The following ACIN1 variants were observed in gnomAD, a reference collection of about 807,000 sequenced individuals.
The protein encoded by ACIN1 is apoptotic chromatin condensation inducer in the nucleus.
ACIN1 carries 16 observed loss-of-function variants against 146.6 expected under a neutral mutation model. That is an observed-to-expected ratio of 0.11 (90% CI 0.07 to 0.17). The LOEUF (loss-of-function observed/expected upper bound fraction) is 0.17. Among genes scored for constraint, ACIN1 ranks in the 10% least tolerant of loss-of-function variants. The probability of loss-of-function intolerance (pLI) is 1.00; values close to 1 mark genes in which losing one functional copy is unlikely to be tolerated. For missense variants in ACIN1, 1,357 were observed against 1,609.3 expected (o/e 0.84, Z 2.68); for synonymous variants, 569 against 582.7 (o/e 0.98, Z 0.34).
chr14:23,064,990 C>G (rs2047407222), intron 10 of ACIN1, among the ~76,000 whole-genome samples: 1 of 151,798 alleles, frequency 6.6e-6, no homozygotes, highest in Non-Finnish European at 1.5e-5. Flanking sequence ...GGAGGGGTAG[C>G]TAGTTTGATG....
In ACIN1 at chr14:23,067,261, AAAG is replaced by A. The variant is rs2047489106; in HGVS notation, c.2266-1256_2266-1254del. 2 of 965,168 alleles carry A rather than the reference AAAG, an allele frequency of 2.1e-6. No individual in the cohort carries two copies. The highest frequency in any genetic ancestry group is 1.2e-6 in the Non-Finnish European group (1 of 811,318). 59.8% of individuals were successfully genotyped at this position (965,168 alleles called of 1,614,324 possible). On this transcript the variant is annotated intron_variant, in intron 9 of 18. Coordinates refer to ENST00000605057, the MANE Select transcript of ACIN1 (RefSeq NM_001386863.1). This position sits in a 1 kb window ranked among gnomAD's most constrained non-coding sequence, Gnocchi z 4.6. ...AATATTAAAAAAAGAAGAAGAAAAT[AAAG>A]AAGAAAATAAACTAGGAATATGACA...
rs1594796501 is a variant in ACIN1, at chr14:23,095,102, A to C, written c.11T>G (p.Leu4Arg). ...CTTCCCGTCCAGAGTCACCTCCTCC[A>C]GCTCCGCCATCTTGCGTGAGGTACT... is the stretch of plus-strand genomic sequence containing the variant. MAELEEVTLDGKPL... is the reference protein window; with the variant it reads MAEREEVTLDGKPL... Residue 4 changes from leucine (L) to arginine (R), a missense_variant, in exon 1 of 19, where the codon CTG becomes CGG. Physicochemically the swap from Leu to Arg is moderately radical, Grantham distance 102. This residue lies in a region of ACIN1 where 22 missense variants were observed against 19.1 expected (regional missense o/e 1.15). Transcript: ENST00000605057. 1 of 1,614,172 alleles carries C rather than the reference A, an allele frequency of 6.2e-7. No homozygotes were observed. Among genetic ancestry groups the C allele is most frequent in the Non-Finnish European group, 8.5e-7 (1 of 1,180,024 alleles).
chr14:23,061,322 T>C lies in ACIN1; in HGVS notation c.3400A>G (p.Lys1134Glu), dbSNP rs143988639. 1.2e-6 allele frequency: 2 copies of C among 1,614,090 alleles called. No homozygotes were observed. Among genetic ancestry groups the C allele is most frequent in the East Asian group, 2.2e-5 (1 of 44,890 alleles). The change falls in exon 17 of 19, where the codon AAA becomes GAA. Residue 1134 changes from lysine (K) to glutamate (E), a missense_variant. This residue lies in a region of ACIN1 where 509 missense variants were observed against 719.6 expected (regional missense o/e 0.71). Transcript: ENST00000605057. ...DRRRKERAKS[K>E]EKKSEKKEKA... The stretch of plus-strand genomic sequence containing the variant: ...CCTTTCTTCTCACTCTTCTTTTCTT[T>C]AGACTTCGCACGTTCCTTGCGGCGG...
In ACIN1 at chr14:23,080,663, A is replaced by ATCT; in HGVS notation, c.669_671dup (p.Glu223dup). 1.2e-6 allele frequency: 2 copies of ATCT among 1,611,868 alleles called. No homozygotes were observed. Among genetic ancestry groups the ATCT allele is most frequent in the Non-Finnish European group, 1.7e-6 (2 of 1,179,584 alleles). ...CATCATCACCTTCCTCTTCTTCATC[A>ATCT]TCTTCTTCCTCCTCCTCCTCCTCCT... On this transcript the variant is annotated inframe_insertion, in exon 6 of 19. Transcript: ENST00000605057.
chr14:23,069,059 C>CT (rs1330228946), intron 9 of ACIN1: 1 of 988,306 alleles, frequency 1.0e-6, no homozygotes, highest in African/African-American at 1.7e-5. Context: ...CTCAGCATGG[C>CT]TGGTCTGGTG....
chr14:23,094,714 G>A (rs953064162), intron 1 of ACIN1: 3 of 656,692 alleles, frequency 4.6e-6, no homozygotes, highest in East Asian at 3.1e-5. Flanking sequence ...GGTGGGGGAA[G>A]GAGGAAGGAG....
chr14:23,094,227 G>C (rs2048307012), intron 1 of ACIN1, among the ~76,000 whole-genome samples: 1 of 152,090 alleles, frequency 6.6e-6, no homozygotes, highest in Non-Finnish European at 1.5e-5. Context: ...CACGTATCCT[G>C]TTGAACTCTA....
intron 8 of ACIN1, among the ~76,000 whole-genome samples, chr14:23,075,323 C>CTTTTTTT (rs11423392): frequency 1.5e-5 from 2 of 133,340 alleles, no homozygotes; most frequent in Non-Finnish European, 3.2e-5. Flanking sequence ...CTTTCTTCCC[C>CTTTTTTT]TTTTTTTTTT....
intron 1 of ACIN1, among the ~76,000 whole-genome samples, chr14:23,094,104 C>CCACACAAACA (rs1555375768): frequency 1.3e-5 from 2 of 150,760 alleles, no homozygotes; most frequent in Non-Finnish European, 1.5e-5. Flanking sequence ...CCTAGTCTAT[C>CCACACAAACA]CACACAAACA....
chr14:23,071,287 C>A (rs1428476100), intron 8 of ACIN1: 3 of 1,498,648 alleles, frequency 2.0e-6, no homozygotes, highest in Non-Finnish European at 2.7e-6. Context: ...CCACCTCCTC[C>A]CCAGCCACCC....
At chr14:23,084,626 A>C (rs574464870) in intron 4 of ACIN1, among the ~76,000 whole-genome samples, 6 of 151,922 alleles carry the variant, frequency 3.9e-5, no homozygotes, top group East Asian at 1.9e-4. Flanking sequence ...GAAAAAAAAA[A>C]AAAAAAACCC....
At position 23,061,628 on chromosome 14, in the gene ACIN1, G is replaced by C; in HGVS notation, c.3100-6C>G. On this transcript the variant is annotated splice_polypyrimidine_tract_variant and splice_region_variant and intron_variant, in intron 16 of 18. Coordinates refer to ENST00000605057, the MANE Select transcript of ACIN1 (RefSeq NM_001386863.1). ...AGGCCTCGGTGATAATCCAGCTGTG[G>C]GGAGAGGAGGGACAAGGACAGTTAG... is the stretch of plus-strand genomic sequence containing the variant. 2 of 1,520,854 alleles carry C rather than the reference G, an allele frequency of 1.3e-6. No individual in the cohort carries two copies. Among genetic ancestry groups the C allele is most frequent in the South Asian group, 2.6e-5 (2 of 78,268 alleles). 94.2% of individuals were successfully genotyped at this position (1,520,854 alleles called of 1,614,324 possible).
intron 13 of ACIN1, 93 bp downstream of exon 13, chr14:23,063,343 G>A (rs2047347953): frequency 6.8e-7 from 1 of 1,468,872 alleles, no homozygotes; most frequent in Non-Finnish European, 9.2e-7. Flanking sequence ...TATAATGAAA[G>A]GCAGGAAACA....
intron 9 of ACIN1, chr14:23,069,185 A>G (rs2047550762): frequency 2.7e-6 from 3 of 1,105,674 alleles, no homozygotes; most frequent in Non-Finnish European, 3.3e-6. Context: ...AAAGCTGAAC[A>G]TAAATCTTAG....
chr14:23,073,095 G>A (rs2047706113), intron 8 of ACIN1, among the ~76,000 whole-genome samples: 1 of 152,252 alleles, frequency 6.6e-6, no homozygotes, highest in Non-Finnish European at 1.5e-5. Flanking sequence ...CTGGGGCTCT[G>A]AGTTTCCTCA....
At position 23,067,179 on chromosome 14, in the gene ACIN1, CAAAT is replaced by C. The variant is rs915465529; in HGVS notation, c.2266-1175_2266-1172del. On this transcript the variant is annotated intron_variant, in intron 9 of 18. Transcript: ENST00000605057. The surrounding 1 kb of genome is among the most constrained non-coding windows in gnomAD (Gnocchi z 4.6). ...TAATTAAAACAGGAAAAACATGAAC[CAAAT>C]AAATAAATAAAAGAAATCAGAAAAA... The C allele has an allele frequency of 5.3e-5, 35 of 664,324 alleles. No homozygotes were observed. Among genetic ancestry groups the C allele is most frequent in the African/African-American group, 2.8e-4 (14 of 49,208 alleles). The allele number at this position is 664,324 out of a possible 1,614,324, so 41.2% of individuals were successfully genotyped here.
Position 23,068,328 on chromosome 14 carries a change from G to A in ACIN1, c.2265+1148C>T. ...ACAGTCCTCAAAAGGGCAAGGGCAT[G>A]TGGGCAGGCGCCCCAGCACTGGCAC... On this transcript the variant is annotated intron_variant, in intron 9 of 18. Coordinates refer to ENST00000605057, the MANE Select transcript of ACIN1 (RefSeq NM_001386863.1). The surrounding 1 kb of genome is among the most constrained non-coding windows in gnomAD (Gnocchi z 4.3). The A allele has an allele frequency of 1.0e-6, 1 of 985,976 alleles. No homozygotes were observed. The highest frequency in any genetic ancestry group is 1.2e-6 in the Non-Finnish European group (1 of 829,978). 61.1% of individuals were successfully genotyped at this position (985,976 alleles called of 1,614,324 possible).
In ACIN1 at chr14:23,068,860, A is replaced by C. The variant is rs1402452516; in HGVS notation, c.2265+616T>G. ...TTCTCAATTACTTTAAGAGCCAAGAAGACTTCGCTGGCTCTGATGGGGGAA... is the reference window on the plus strand; with the variant it reads ...TTCTCAATTACTTTAAGAGCCAAGACGACTTCGCTGGCTCTGATGGGGGAA... On this transcript the variant is annotated intron_variant, in intron 9 of 18. Transcript: ENST00000605057. This position sits in a 1 kb window ranked among gnomAD's most constrained non-coding sequence, Gnocchi z 4.3. The C allele has an allele frequency of 2.0e-6, 2 of 985,324 alleles. No individual in the cohort carries two copies. The highest frequency in any genetic ancestry group is 1.7e-5 in the African/African-American group (1 of 57,238). The allele number at this position is 985,324 out of a possible 1,614,324, so 61.0% of individuals were successfully genotyped here.
rs138016589 is a variant in ACIN1, at chr14:23,086,373, C to T, written c.436+3609G>A. Among the ~76,000 whole-genome samples, 941 of 152,150 alleles carry T rather than the reference C, an allele frequency of 6.2e-3. 9 individuals carry two copies. The highest frequency in any genetic ancestry group is 0.02 in the African/African-American group (844 of 41,478). On this transcript the variant is annotated intron_variant, in intron 4 of 18. Transcript: ENST00000605057. ...GAGCTCTTTTTGAAAAAATTAAGGA[C>T]GGTAAGAATTTCTGTACACACAGTC...
Sources: gnomAD v4.1 joint callset for allele counts (sites outside exome capture counted in the v4.1 genomes callset) on GRCh38, gnomAD v4.1.1 for gene constraint, gnomAD v4.1.1 regional missense constraint, Gnocchi (gnomAD v3.1) non-coding constraint, MANE v1.5 for transcripts, NCBI Gene and HGNC (gene_info 2026-07-23, HGNC 2026-07-21) for gene names.